CHD6: variants seen among roughly 807,000 people sequenced by gnomAD.
CHD6 encodes ATP-dependent chromatin remodeler CHD6.
CHD6 carries 50 observed loss-of-function variants against 276.9 expected under a neutral mutation model. That is an observed-to-expected ratio of 0.18 (90% CI 0.14 to 0.23). The LOEUF (loss-of-function observed/expected upper bound fraction) is 0.23, where lower values mean the gene tolerates loss of function less well. Ranked by LOEUF, CHD6 falls within the 10% of genes least tolerant of loss-of-function variation. The pLI is 1.00. For missense variants in CHD6, 2,564 were observed against 3,365.8 expected (o/e 0.76, Z 5.89); for synonymous variants, 1,173 against 1,229.3 (o/e 0.95, Z 0.96).
chr20:41,543,102 C>CAA (rs568067367), intron 2 of CHD6, among the ~76,000 whole-genome samples: 1,620 of 80,634 alleles, frequency 0.02, 19 homozygotes, highest in South Asian at 0.04. Context: ...GACTCTGTCT[C>CAA]AAAAAAAAAA....
intron 3 of CHD6, among the ~76,000 whole-genome samples, chr20:41,522,296 T>C (rs1252321656): frequency 6.6e-6 from 1 of 152,068 alleles, no homozygotes; most frequent in Non-Finnish European, 1.5e-5. Context: ...TAGTCAGTCA[T>C]GATTGTGCCA....
At position 41,533,045 on chromosome 20, in the gene CHD6, C is replaced by T. The variant is rs140510605; in HGVS notation, c.554+5G>A. 2.8e-3 allele frequency: 4,431 copies of T among 1,576,388 alleles called. 50 individuals are homozygous for T. Among genetic ancestry groups the T allele is most frequent in the Middle Eastern group, 0.017 (101 of 5,824 alleles). ...AGTGCTCAGAGAAGGGAGAAAGGAA[C>T]GTACCTGGCCTTCCTGGACTTCGTC... is the stretch of plus-strand genomic sequence containing the variant. On this transcript the variant is annotated splice_donor_5th_base_variant and intron_variant, in intron 3 of 36. Coordinates refer to ENST00000373233, the MANE Select transcript of CHD6 (RefSeq NM_032221.5).
At chr20:41,513,988 G>A (rs2044187720) in intron 4 of CHD6, among the ~76,000 whole-genome samples, 1 of 152,150 alleles carries the variant, frequency 6.6e-6, no homozygotes, top group Non-Finnish European at 1.5e-5. Flanking sequence ...CAACGTGCTT[G>A]GCTCCTCTGC....
intron 36 of CHD6, 91 bp downstream of exon 36, chr20:41,412,053 T>C (rs1409566790): frequency 1.3e-6 from 2 of 1,543,416 alleles, no homozygotes; most frequent in African/African-American, 1.4e-5. Context: ...AGCGAACCCC[T>C]TCCCAGCTGG....
intron 1 of CHD6, among the ~76,000 whole-genome samples, chr20:41,591,900 C>A (rs1601175534): frequency 2.0e-5 from 3 of 152,232 alleles, no homozygotes; most frequent in Admixed American, 2.0e-4. Context: ...GAGATCAAGA[C>A]CATCCTGGCT....
At chr20:41,605,945 A>T (rs1243378264) in intron 1 of CHD6, among the ~76,000 whole-genome samples, 1 of 152,232 alleles carries the variant, frequency 6.6e-6, no homozygotes, top group Non-Finnish European at 1.5e-5. Context: ...CTCTATGAGG[A>T]ATTCAAGGTA....
Position 41,417,194 on chromosome 20 carries a change from G to A in CHD6, c.6279+4C>T. The A allele has an allele frequency of 1.2e-6, 2 of 1,610,118 alleles. No homozygotes were observed. The highest frequency in any genetic ancestry group is 1.7e-6 in the Non-Finnish European group (2 of 1,178,264). On this transcript the variant is annotated splice_donor_region_variant and intron_variant, in intron 32 of 36. Coordinates refer to ENST00000373233, the MANE Select transcript of CHD6 (RefSeq NM_032221.5). ...TAGGGTGGGAAACGCAAGCTCTGGG[G>A]TACCTTTGGCCACTCAGAGAAGGAA...
intron 15 of CHD6, 59 bp from the exon 16 acceptor site, chr20:41,483,578 T>A (rs960813213): frequency 1.6e-6 from 2 of 1,269,496 alleles, no homozygotes; most frequent in Non-Finnish European, 2.2e-6. Flanking sequence ...AAGGTTGTAC[T>A]CTGCTTTACA....
At chr20:41,599,707 T>G (rs2045754586) in intron 1 of CHD6, among the ~76,000 whole-genome samples, 2 of 152,222 alleles carry the variant, frequency 1.3e-5, no homozygotes, top group African/African-American at 4.8e-5. Flanking sequence ...CTTCAAAGCT[T>G]CCTTCGTCTT....
chr20:41,479,155 G>T (rs968578306), intron 16 of CHD6, among the ~76,000 whole-genome samples: 1 of 151,860 alleles, frequency 6.6e-6, no homozygotes, highest in African/African-American at 2.4e-5. Context: ...AGAGAAAAAG[G>T]GTTTTTAAAA....
chr20:41,441,381 G>T (rs1006774580), intron 25 of CHD6, among the ~76,000 whole-genome samples: 3 of 152,030 alleles, frequency 2.0e-5, no homozygotes, highest in Non-Finnish European at 4.4e-5. Context: ...CCACGTTCCT[G>T]CCCCACCTCA....
intron 1 of CHD6, among the ~76,000 whole-genome samples, chr20:41,589,385 A>C (rs2045631424): frequency 6.6e-6 from 1 of 152,190 alleles, no homozygotes; most frequent in Non-Finnish European, 1.5e-5. Context: ...AGGCAGGAGA[A>C]AGAAATAAAG....
intron 1 of CHD6, among the ~76,000 whole-genome samples, chr20:41,555,876 G>A (rs993994511): frequency 4.0e-5 from 6 of 150,730 alleles, no homozygotes; most frequent in East Asian, 1.9e-4. Flanking sequence ...CTGCAATCTC[G>A]GTACTTTGGG....
chr20:41,551,367 A>G lies in CHD6; in HGVS notation c.-23-7T>C, dbSNP rs2045143497. Reference sequence around the variant, plus strand: ...TGAAGGAAGATATTTATTTCTGTAAAACATTTTTAAAAAGGCAAAGATTAT... The same window carrying G: ...TGAAGGAAGATATTTATTTCTGTAAGACATTTTTAAAAAGGCAAAGATTAT... On this transcript the variant is annotated splice_polypyrimidine_tract_variant and splice_region_variant and intron_variant, in intron 1 of 36. Transcript: ENST00000373233. The G allele has an allele frequency of 7.7e-7, 1 of 1,290,668 alleles. No homozygotes were observed. Among genetic ancestry groups the G allele is most frequent in the Non-Finnish European group, 1.1e-6 (1 of 900,942 alleles). 80.0% of individuals were successfully genotyped at this position (1,290,668 alleles called of 1,614,324 possible).
intron 2 of CHD6, among the ~76,000 whole-genome samples, chr20:41,536,075 T>C (rs1030803334): frequency 5.9e-5 from 9 of 152,104 alleles, no homozygotes; most frequent in African/African-American, 1.9e-4. Flanking sequence ...GACAAAAAAA[T>C]TTCTTTCATG....
At chr20:41,439,266 G>A (rs2047820454) in intron 26 of CHD6, among the ~76,000 whole-genome samples, 1 of 151,842 alleles carries the variant, frequency 6.6e-6, no homozygotes, top group Non-Finnish European at 1.5e-5. Context: ...TGAGGCAGAA[G>A]AATTGCTTGA....
chr20:41,491,969 A>G (rs895591438), intron 10 of CHD6, 150 bp from the exon 11 acceptor site: 6 of 775,166 alleles, frequency 7.7e-6, no homozygotes, highest in Non-Finnish European at 1.0e-5. Flanking sequence ...AGGTTGGGGG[A>G]ACTAAGTAGG....
chr20:41,514,624 T>A (rs1476284799), intron 4 of CHD6, among the ~76,000 whole-genome samples, 181 bp downstream of exon 4: 3 of 152,138 alleles, frequency 2.0e-5, no homozygotes, highest in Non-Finnish European at 2.9e-5. Context: ...ATATCATTAG[T>A]ATACTGATCG....
chr20:41,476,222 A>G (rs2043164562), intron 16 of CHD6, among the ~76,000 whole-genome samples: 1 of 152,146 alleles, frequency 6.6e-6, no homozygotes, highest in Non-Finnish European at 1.5e-5. Flanking sequence ...ACTGAACTTC[A>G]GCACAGCAAT....
Sources: allele counts gnomAD v4.1 joint callset (sites outside exome capture counted in the v4.1 genomes callset), GRCh38; gene constraint gnomAD v4.1.1; transcripts MANE v1.5; gene names NCBI Gene and HGNC (gene_info 2026-07-23, HGNC 2026-07-21).